Variants in ZFYVE28 observed in about 807,000 individuals in gnomAD.
ZFYVE28 encodes lateral signaling target protein 2 homolog.
In ZFYVE28, 40 loss-of-function variants were observed where a neutral mutation model predicts 82.1. That is an observed-to-expected ratio of 0.49 (90% CI 0.38 to 0.63). ZFYVE28 has a LOEUF of 0.63. ZFYVE28 is among the 30% of genes least tolerant of loss of function. The pLI is 0.00. For missense variants in ZFYVE28, 1,321 were observed against 1,242.1 expected (o/e 1.06, Z -0.96); for synonymous variants, 612 against 546.1 (o/e 1.12, Z -1.68).
chr4:2,315,422 C>T (rs1268421230), intron 7 of ZFYVE28, among the ~76,000 whole-genome samples: 5 of 151,986 alleles, frequency 3.3e-5, no homozygotes, highest in South Asian at 2.1e-4. Flanking sequence ...TACAGGCGCC[C>T]GCCACCACGC....
At chr4:2,279,833 C>T (rs1295626542) in intron 8 of ZFYVE28, among the ~76,000 whole-genome samples, 1 of 151,488 alleles carries the variant, frequency 6.6e-6, no homozygotes, top group Non-Finnish European at 1.5e-5. Flanking sequence ...CATGAAATGT[C>T]TAGAACAGGC....
At chr4:2,397,096 G>T (rs1255968541) in intron 1 of ZFYVE28, among the ~76,000 whole-genome samples, 1 of 152,190 alleles carries the variant, frequency 6.6e-6, no homozygotes, top group Non-Finnish European at 1.5e-5. Flanking sequence ...TCTATTATTT[G>T]TTATGGTAAA....
chr4:2,399,042 C>CAGGGCACAAGCGTGGAGGTGAGATCA (rs1730839832), intron 1 of ZFYVE28, among the ~76,000 whole-genome samples: 2 of 113,592 alleles, frequency 1.8e-5, no homozygotes, highest in Admixed American at 9.1e-5. Flanking sequence ...GGGTGAGATC[C>CAGGGCACAAGCGTGGAGGTGAGATCA]AGGGCACAAG....
rs1721495033 is a variant in ZFYVE28 at position 2,335,258 on chromosome 4, A to G, written c.701+447T>C. On this transcript the variant is annotated intron_variant, in intron 6 of 12. Coordinates refer to ENST00000290974, the MANE Select transcript of ZFYVE28 (RefSeq NM_020972.3). This position sits in a 1 kb window ranked among gnomAD's most constrained non-coding sequence, Gnocchi z 5.8. The stretch of plus-strand genomic sequence containing the variant: ...TGCTTCACCTCCCTGCCAGCCCCCA[A>G]ATTATTCAAACAAGCCAATCACAGC... Among the ~76,000 whole-genome samples, 1 of 151,798 alleles carries G rather than the reference A, an allele frequency of 6.6e-6. No individual in the cohort carries two copies. Among genetic ancestry groups the G allele is most frequent in the South Asian group, 2.1e-4 (1 of 4,806 alleles).
intron 7 of ZFYVE28, among the ~76,000 whole-genome samples, 170 bp downstream of exon 7, chr4:2,320,000 T>C (rs929983167): frequency 6.6e-5 from 10 of 152,310 alleles, no homozygotes; most frequent in African/African-American, 2.4e-4. Flanking sequence ...GCCAGGACTC[T>C]GTGACCCCCA....
Position 2,404,309 on chromosome 4 carries a change from C to CAAAAAAAA in ZFYVE28, c.39+13968_39+13975dup, listed in dbSNP as rs55924862. 8.0e-4 allele frequency among the ~76,000 whole-genome samples: 53 copies of CAAAAAAAA among 66,446 alleles called. 3 individuals are homozygous for CAAAAAAAA. The highest frequency in any genetic ancestry group is 0.011 in the Middle Eastern group (1 of 88). The allele number at this position is 66,446 out of a possible 152,430, so 43.6% of individuals were successfully genotyped here. On this transcript the variant is annotated intron_variant, in intron 1 of 12. Coordinates refer to ENST00000290974, the MANE Select transcript of ZFYVE28 (RefSeq NM_020972.3). The stretch of plus-strand genomic sequence containing the variant: ...TGCAGGACGGAGCGAGACTCCGCCT[C>CAAAAAAAA]AAAAAAAAAAAAAAAAAAACGCTGA...
At chr4:2,297,201 G>A (rs1481607794) in intron 8 of ZFYVE28, among the ~76,000 whole-genome samples, 33 of 152,360 alleles carry the variant, frequency 2.2e-4, no homozygotes, top group Admixed American at 2.0e-3. Flanking sequence ...GCTGCGCACC[G>A]GGAGCCAGGC....
At chr4:2,360,600 A>G (rs1726018096) in intron 1 of ZFYVE28, among the ~76,000 whole-genome samples, 2 of 152,144 alleles carry the variant, frequency 1.3e-5, no homozygotes. Context: ...TGTGTCAGTC[A>G]TCCCACCCAG....
At position 2,362,692 on chromosome 4, in the gene ZFYVE28, C is replaced by T. The variant is rs1003011152; in HGVS notation, c.40-8619G>A. 6.6e-6 allele frequency among the ~76,000 whole-genome samples: 1 copy of T among 152,182 alleles called. No homozygotes were observed. Among genetic ancestry groups the T allele is most frequent in the African/African-American group, 2.4e-5 (1 of 41,452 alleles). On this transcript the variant is annotated intron_variant, in intron 1 of 12. Transcript: ENST00000290974. This position sits in a 1 kb window ranked among gnomAD's most constrained non-coding sequence, Gnocchi z 5.1. The stretch of plus-strand genomic sequence containing the variant: ...AGATCTGGGGCCCCAGACAGGCACA[C>T]ACTCCTGTGGTCCCAGGCACAGCCG...
Position 2,304,358 on chromosome 4 carries a change from G to C in ZFYVE28, c.1982C>G (p.Pro661Arg). Reference protein sequence around the residue: ...GEAGVAGQQEPEARELHAGSP... With the variant: ...GEAGVAGQQEREARELHAGSP... ...CCCAGCATGCAGCTCTCTGGCCTCT[G>C]GCTCCTGCTGACCTGCAACCCCAGC... is the stretch of plus-strand genomic sequence containing the variant. The change falls in exon 8 of 13, where the codon CCA becomes CGA. Residue 661 changes from proline to arginine, a missense_variant. Transcript: ENST00000290974. The C allele has an allele frequency of 6.2e-7, 1 of 1,609,858 alleles. No homozygotes were observed. The highest frequency in any genetic ancestry group is 1.1e-5 in the South Asian group (1 of 91,080).
In ZFYVE28 at chr4:2,305,233, TG is replaced by T; in HGVS notation, c.1106del (p.Pro369GlnfsTer90). On this transcript the variant is annotated frameshift_variant, in exon 8 of 13. Transcript: ENST00000290974. LOFTEE classifies it high-confidence loss of function. The part of the protein sequence containing the change: ...LLSPPIACQS[P>X]AHRPGAEGSP... The stretch of plus-strand genomic sequence containing the variant: ...TGCCCTCCGCTCCTGGCCTGTGAGC[TG>T]GGGACTGGCAGGCAATGGGCGGTGA... 6.2e-7 allele frequency: 1 copy of T among 1,611,016 alleles called. No individual in the cohort carries two copies. Among genetic ancestry groups the T allele is most frequent in the Non-Finnish European group, 8.5e-7 (1 of 1,178,566 alleles).
Position 2,274,218 on chromosome 4 carries a change from T to C in ZFYVE28, c.2052-2A>G. 1.9e-6 allele frequency: 3 copies of C among 1,612,624 alleles called. No homozygotes were observed. Among genetic ancestry groups the C allele is most frequent in the Non-Finnish European group, 2.5e-6 (3 of 1,179,228 alleles). ...GAGCAGGACCCAGCTGTGGAGCTGCTGCATGGAGAAGGAGATACCGGTGTG... is the reference window on the plus strand; with the variant it reads ...GAGCAGGACCCAGCTGTGGAGCTGCCGCATGGAGAAGGAGATACCGGTGTG... On this transcript the variant is annotated splice_acceptor_variant, in intron 8 of 12. Coordinates refer to ENST00000290974, the MANE Select transcript of ZFYVE28 (RefSeq NM_020972.3). LOFTEE classifies it high-confidence loss of function.
intron 7 of ZFYVE28, among the ~76,000 whole-genome samples, chr4:2,308,481 T>C (rs145282500): frequency 0.012 from 1,427 of 118,816 alleles, 25 homozygotes; most frequent in African/African-American, 0.046. Context: ...TATTAGTTTA[T>C]CAATTTCTAC....
intron 4 of ZFYVE28, among the ~76,000 whole-genome samples, chr4:2,338,058 C>T (rs1722138026): frequency 2.0e-5 from 3 of 152,216 alleles, no homozygotes; most frequent in Admixed American, 1.3e-4. Flanking sequence ...TGCCCATGTG[C>T]GGGACCATCC....
intron 8 of ZFYVE28, among the ~76,000 whole-genome samples, chr4:2,275,591 G>GTT (rs1459879167): frequency 6.6e-6 from 1 of 152,188 alleles, no homozygotes; most frequent in Admixed American, 6.5e-5. Context: ...TTATTTGGCC[G>GTT]TGTCTCATGC....
chr4:2,344,666 G>A (rs1011764667), intron 2 of ZFYVE28, among the ~76,000 whole-genome samples: 1 of 152,192 alleles, frequency 6.6e-6, no homozygotes, highest in African/African-American at 2.4e-5. Context: ...TGAGGCCAAG[G>A]TGGGTGGATC....
chr4:2,353,716 C>G (rs549778131), intron 2 of ZFYVE28, among the ~76,000 whole-genome samples: 1 of 152,214 alleles, frequency 6.6e-6, no homozygotes, highest in African/African-American at 2.4e-5. Flanking sequence ...TCTGCTCCCC[C>G]AAGTGTCCCG....
chr4:2,296,129 G>A (rs1328648647), intron 8 of ZFYVE28, among the ~76,000 whole-genome samples: 1 of 152,202 alleles, frequency 6.6e-6, no homozygotes, highest in African/African-American at 2.4e-5. Context: ...AGCCAGGCTG[G>A]GGCCTTCTCT....
rs1722749875 is a variant in ZFYVE28 at position 2,341,257 on chromosome 4, G to C, written c.318+221C>G. The stretch of plus-strand genomic sequence containing the variant: ...AAAAACCACATGGGAAATTTCATTT[G>C]TATGTATAGTTTTGGGGGCACCAGT... On this transcript the variant is annotated intron_variant, in intron 3 of 12. Transcript: ENST00000290974. The surrounding 1 kb of genome is among the most constrained non-coding windows in gnomAD (Gnocchi z 4.5). 1 of 617,812 alleles carries C rather than the reference G, an allele frequency of 1.6e-6. No individual in the cohort carries two copies. Among genetic ancestry groups the C allele is most frequent in the Admixed American group, 3.0e-5 (1 of 33,104 alleles). 38.3% of individuals were successfully genotyped at this position (617,812 alleles called of 1,614,324 possible). A position where few individuals can be genotyped will look rare whatever the true frequency, so the allele number is the denominator to read the frequency against.
Sources: allele counts gnomAD v4.1 joint callset (sites outside exome capture counted in the v4.1 genomes callset), GRCh38; gene constraint gnomAD v4.1.1; non-coding constraint Gnocchi (gnomAD v3.1); transcripts MANE v1.5; gene names NCBI Gene and HGNC (gene_info 2026-07-23, HGNC 2026-07-21).